The following NLK variants were observed in gnomAD, a reference collection of about 807,000 sequenced individuals.
NLK encodes the protein serine/threonine-protein kinase NLK.
In NLK, 11 loss-of-function variants were observed where a neutral mutation model predicts 59.0. That is an observed-to-expected ratio of 0.19 (90% CI 0.12 to 0.31). The LOEUF is 0.31. NLK is among the 10% of genes least tolerant of loss of function. The pLI, the probability that NLK is intolerant of heterozygous loss-of-function variation, is 1.00. For missense variants in NLK, 410 were observed against 661.1 expected, an observed-to-expected ratio of 0.62 and a Z score of 4.16; for synonymous variants, 235 against 235.9, an observed-to-expected ratio of 1.00 and a Z score of 0.03.
intron 3 of NLK, among the ~76,000 whole-genome samples, chr17:28,139,571 A>G (rs1331374549): frequency 6.6e-6 from 1 of 152,178 alleles, no homozygotes; most frequent in African/African-American, 2.4e-5. Flanking sequence ...TAGCACTACT[A>G]TGTATATGAC....
chr17:28,062,491 A>G (rs1307883611), intron 1 of NLK, among the ~76,000 whole-genome samples: 1 of 152,232 alleles, frequency 6.6e-6, no homozygotes, highest in African/African-American at 2.4e-5. Flanking sequence ...TTTAAAATTT[A>G]CTATAATGCA....
intron 1 of NLK, among the ~76,000 whole-genome samples, chr17:28,121,400 A>G (rs966192255): frequency 6.6e-5 from 10 of 151,876 alleles, no homozygotes; most frequent in Admixed American, 2.6e-4. Context: ...GGAAAAAAAA[A>G]AAAAGCTCTA....
intron 1 of NLK, among the ~76,000 whole-genome samples, chr17:28,106,231 T>C (rs1905075898): frequency 6.6e-6 from 1 of 152,212 alleles, no homozygotes; most frequent in Admixed American, 6.5e-5. Flanking sequence ...TCAGAACTTA[T>C]CTTCAACTAA....
intron 1 of NLK, among the ~76,000 whole-genome samples, chr17:28,108,621 ATACTT>A (rs1238919705): frequency 3.9e-5 from 6 of 152,234 alleles, no homozygotes; most frequent in African/African-American, 1.4e-4. Context: ...CACACATAAA[ATACTT>A]TAACATAATG....
chr17:28,054,746 A>G (rs1215014610), intron 1 of NLK, among the ~76,000 whole-genome samples: 4 of 152,248 alleles, frequency 2.6e-5, no homozygotes, highest in Non-Finnish European at 4.4e-5. Context: ...TGAGGAGAAC[A>G]TTTAACATTT....
At chr17:28,079,133 C>G (rs1040260493) in intron 1 of NLK, among the ~76,000 whole-genome samples, 1 of 152,160 alleles carries the variant, frequency 6.6e-6, no homozygotes, top group South Asian at 2.1e-4. Flanking sequence ...CAGTATTTGT[C>G]TTTTTGTGAC....
At chr17:28,073,108 C>G (rs1229358341) in intron 1 of NLK, among the ~76,000 whole-genome samples, 1 of 152,000 alleles carries the variant, frequency 6.6e-6, no homozygotes, top group Admixed American at 6.6e-5. Flanking sequence ...TCAGGCCACA[C>G]CACTAGTTTG....
chr17:28,047,933 A>G (rs1162348005), intron 1 of NLK: 2 of 398,310 alleles, frequency 5.0e-6, no homozygotes, highest in African/African-American at 4.1e-5. Flanking sequence ...AATCTGTAGT[A>G]CTGAGAAGTT....
intron 8 of NLK, 116 bp downstream of exon 8, chr17:28,185,381 C>A: frequency 1.6e-6 from 1 of 636,976 alleles, no homozygotes; most frequent in Non-Finnish European, 2.6e-6. Context: ...AGAATATAAA[C>A]TTCAATCCCC....
chr17:28,097,585 G>A (rs1368736849), intron 1 of NLK, among the ~76,000 whole-genome samples: 2 of 152,050 alleles, frequency 1.3e-5, no homozygotes, highest in Non-Finnish European at 2.9e-5. Context: ...ATTGGGAAAC[G>A]TTATTTTAAA....
intron 1 of NLK, among the ~76,000 whole-genome samples, chr17:28,063,236 T>A (rs1909725649): frequency 1.3e-5 from 2 of 152,188 alleles, no homozygotes; most frequent in African/African-American, 4.8e-5. Flanking sequence ...CTGGCAACAT[T>A]TTTAGTTTTA....
In NLK at chr17:28,161,190, C is replaced by T; in HGVS notation, c.675C>T (p.Asp225=). The T allele has an allele frequency of 6.2e-7, 1 of 1,608,882 alleles. No homozygotes were observed. The highest frequency in any genetic ancestry group is 8.5e-7 in the Non-Finnish European group (1 of 1,175,352). ...TTGTCACAGAATTGATGCAGAGTGACCTACATAAAATTATCGTCTCTCCTC... is the reference window on the plus strand; with the variant it reads ...TTGTCACAGAATTGATGCAGAGTGATCTACATAAAATTATCGTCTCTCCTC... ...IYVVTELMQS[D]LHKIIVSPQP... The change falls in exon 4 of 11, where the codon GAC becomes GAT. Residue 225 remains aspartate (D), a synonymous_variant. Transcript: ENST00000407008.
Position 28,196,155 on chromosome 17 carries a change from A to G in NLK, c.*1519A>G, listed in dbSNP as rs1909478075. On this transcript the variant is annotated 3_prime_UTR_variant, in exon 11 of 11. Coordinates refer to ENST00000407008, the MANE Select transcript of NLK (RefSeq NM_016231.5). ...TTGAATTACTAAACAAAGATGGTGC[A>G]ATATCTTTGTTTTTTTTTTATGAGG... The G allele has an allele frequency of 6.6e-6, 1 of 152,616 alleles. No individual in the cohort carries two copies. Among genetic ancestry groups the G allele is most frequent in the African/African-American group, 2.4e-5 (1 of 41,440 alleles). The allele number at this position is 152,616 out of a possible 1,614,324, so 9.5% of individuals were successfully genotyped here.
chr17:28,088,572 A>G (rs1904366061), intron 1 of NLK, among the ~76,000 whole-genome samples: 3 of 152,226 alleles, frequency 2.0e-5, no homozygotes, highest in African/African-American at 4.8e-5. Context: ...GATTTAAGTT[A>G]TATTTCATAT....
intron 1 of NLK, among the ~76,000 whole-genome samples, chr17:28,093,268 A>G (rs558485237): frequency 6.6e-6 from 1 of 152,308 alleles, no homozygotes; most frequent in African/African-American, 2.4e-5. Context: ...AAAAATATAC[A>G]ATAGATTTCT....
downstream of NLK, among the ~76,000 whole-genome samples, chr17:28,199,910 G>A (rs1460161211): frequency 6.6e-6 from 1 of 152,114 alleles, no homozygotes; most frequent in Non-Finnish European, 1.5e-5. Context: ...GACTGCCCTG[G>A]AGTACTCAGG....
chr17:28,063,340 C>G (rs1489989338), intron 1 of NLK, among the ~76,000 whole-genome samples: 1 of 152,164 alleles, frequency 6.6e-6, no homozygotes, highest in African/African-American at 2.4e-5. Context: ...GTTGAGTACT[C>G]TCAATGTTGG....
At chr17:28,115,833 T>C (rs1471021035) in intron 1 of NLK, among the ~76,000 whole-genome samples, 1 of 151,826 alleles carries the variant, frequency 6.6e-6, no homozygotes, top group Non-Finnish European at 1.5e-5. Context: ...ATCCCAGATA[T>C]TACATATTTT....
rs191171068 is a variant in NLK at position 28,044,251 on chromosome 17, A to G, written c.458+920A>G. 1.1e-4 allele frequency among the ~76,000 whole-genome samples: 17 copies of G among 152,350 alleles called. No homozygotes were observed. In the East Asian group the frequency reaches 3.1e-3, roughly 28 times the overall value. Reference sequence around the variant, plus strand: ...GAATGAACTGGGTTTTCTCCCAAGGACTAATGATTCCACTTTGGATAGATG... The same window carrying G: ...GAATGAACTGGGTTTTCTCCCAAGGGCTAATGATTCCACTTTGGATAGATG... On this transcript the variant is annotated intron_variant, in intron 1 of 10. Transcript: ENST00000407008.
Sources: allele counts gnomAD v4.1 joint callset (sites outside exome capture counted in the v4.1 genomes callset), GRCh38; gene constraint gnomAD v4.1.1; transcripts MANE v1.5; gene names NCBI Gene and HGNC (gene_info 2026-07-23, HGNC 2026-07-21).